The following COL25A1 variants were observed in gnomAD, a reference collection of about 807,000 sequenced individuals.
The protein encoded by COL25A1 is collagen type XXV alpha 1 chain.
Under a neutral mutation model 128.4 loss-of-function variants are expected in COL25A1, and 103 were observed. That is an observed-to-expected ratio of 0.80 (90% confidence interval 0.68 to 0.94). The LOEUF (loss-of-function observed/expected upper bound fraction) is 0.94. COL25A1 is among the 40% of genes least tolerant of loss of function. The pLI, the probability that COL25A1 is intolerant of heterozygous loss-of-function variation, is 0.00. For missense variants in COL25A1, 745 were observed against 840.0 expected, an observed-to-expected ratio of 0.89 and a Z score of 1.40; for synonymous variants, 279 against 277.2, an observed-to-expected ratio of 1.01 and a Z score of -0.06.
chr4:109,127,678 A>G (rs1050140945), intron 3 of COL25A1, among the ~76,000 whole-genome samples: 2 of 152,058 alleles, frequency 1.3e-5, no homozygotes, highest in African/African-American at 2.4e-5. Context: ...AGGAGAAAAA[A>G]AAGAAGAAAA....
chr4:109,236,160 T>A (rs1471639049), intron 3 of COL25A1, among the ~76,000 whole-genome samples: 1 of 151,998 alleles, frequency 6.6e-6, no homozygotes, highest in East Asian at 1.9e-4. Context: ...TTTTTAAAAG[T>A]ATAACTTCGG....
chr4:109,252,213 T>C (rs1780701319), intron 3 of COL25A1, among the ~76,000 whole-genome samples: 1 of 152,236 alleles, frequency 6.6e-6, no homozygotes, highest in Non-Finnish European at 1.5e-5. Context: ...GCCCCTTCTA[T>C]GATGGAAGAG....
intron 8 of COL25A1, among the ~76,000 whole-genome samples, chr4:108,960,361 T>G (rs1750546619): frequency 6.6e-6 from 1 of 152,070 alleles, no homozygotes. Context: ...ATAAAAATGG[T>G]TAAATTGTAG....
At chr4:109,297,694 T>C (rs1725106295) in intron 3 of COL25A1, among the ~76,000 whole-genome samples, 1 of 151,918 alleles carries the variant, frequency 6.6e-6, no homozygotes, top group African/African-American at 2.4e-5. Context: ...CAGGTCTCAG[T>C]TTTCCCACCT....
intron 5 of COL25A1, among the ~76,000 whole-genome samples, chr4:109,028,742 AAAAAG>A (rs891453915): frequency 1.3e-5 from 2 of 152,092 alleles, no homozygotes; most frequent in South Asian, 2.1e-4. Context: ...AGAAAAAAAG[AAAAAG>A]AAAAGAAAAG....
intron 3 of COL25A1, among the ~76,000 whole-genome samples, chr4:109,265,963 TTTCTC>T: frequency 6.6e-6 from 1 of 152,246 alleles, no homozygotes; most frequent in South Asian, 2.1e-4. Flanking sequence ...GCCCTTCTCT[TTTCTC>T]AGGTACTTTT....
At chr4:108,886,857 G>A (rs1380796610) in intron 18 of COL25A1, among the ~76,000 whole-genome samples, 1 of 151,988 alleles carries the variant, frequency 6.6e-6, no homozygotes, top group Non-Finnish European at 1.5e-5. Context: ...TCAAAATCAG[G>A]ACTCTGCCTT....
At chr4:109,163,884 T>G (rs1198441246) in intron 3 of COL25A1, among the ~76,000 whole-genome samples, 3 of 152,212 alleles carry the variant, frequency 2.0e-5, no homozygotes, top group Admixed American at 2.0e-4. Flanking sequence ...CCTTCAGCTT[T>G]GAGCCAATGT....
chr4:109,291,247 C>G (rs980485563), intron 3 of COL25A1, among the ~76,000 whole-genome samples: 2 of 152,070 alleles, frequency 1.3e-5, no homozygotes, highest in African/African-American at 4.8e-5. Context: ...TTTTGCAGTA[C>G]TTATTACAGT....
intron 5 of COL25A1, among the ~76,000 whole-genome samples, chr4:109,039,817 T>C (rs1193652038): frequency 6.6e-6 from 1 of 152,226 alleles, no homozygotes; most frequent in African/African-American, 2.4e-5. Context: ...GAACTAATTA[T>C]TAACAATCCT....
chr4:109,298,907 C>T (rs975892735), intron 3 of COL25A1, among the ~76,000 whole-genome samples: 3 of 152,070 alleles, frequency 2.0e-5, no homozygotes, highest in Admixed American at 6.6e-5. Context: ...TTTATTATTA[C>T]GTTCACATGC....
At chr4:108,820,647 C>G (rs1372831842) in intron 35 of COL25A1, among the ~76,000 whole-genome samples, 1 of 151,862 alleles carries the variant, frequency 6.6e-6, no homozygotes, top group Non-Finnish European at 1.5e-5. Flanking sequence ...TTAATTCACT[C>G]TCTTACTGAT....
chr4:109,070,743 T>C (rs1436110535), intron 3 of COL25A1, among the ~76,000 whole-genome samples: 1 of 141,546 alleles, frequency 7.1e-6, no homozygotes, highest in Non-Finnish European at 1.5e-5. Context: ...TGTCCAAGTG[T>C]TCTCATTGTT....
At chr4:108,904,041 A>T (rs996052067) in intron 13 of COL25A1, among the ~76,000 whole-genome samples, 3 of 152,098 alleles carry the variant, frequency 2.0e-5, no homozygotes, top group African/African-American at 7.2e-5. Context: ...ACTCCAAGTT[A>T]GATTAAAGGA....
At chr4:109,113,954 A>T (rs1767282616) in intron 3 of COL25A1, among the ~76,000 whole-genome samples, 1 of 152,098 alleles carries the variant, frequency 6.6e-6, no homozygotes, top group South Asian at 2.1e-4. Flanking sequence ...AAGAATCACC[A>T]TAAGCGCTAA....
At chr4:108,994,745 C>T (rs1164915943) in intron 6 of COL25A1, among the ~76,000 whole-genome samples, 1 of 152,170 alleles carries the variant, frequency 6.6e-6, no homozygotes, top group African/African-American at 2.4e-5. Context: ...GCGGGTGCCC[C>T]TCTGGGACAA....
chr4:109,159,916 C>T (rs1166405070), intron 3 of COL25A1, among the ~76,000 whole-genome samples: 1 of 152,028 alleles, frequency 6.6e-6, no homozygotes, highest in African/African-American at 2.4e-5. Flanking sequence ...AATATAGAGG[C>T]AATCCAAACA....
intron 3 of COL25A1, among the ~76,000 whole-genome samples, chr4:109,195,649 A>G (rs1775980185): frequency 6.6e-6 from 1 of 152,162 alleles, no homozygotes; most frequent in Non-Finnish European, 1.5e-5. Flanking sequence ...ACTCAGCCCT[A>G]AGACCTTACT....
At chr4:109,209,851 G>A (rs572142521) in intron 3 of COL25A1, among the ~76,000 whole-genome samples, 1 of 152,060 alleles carries the variant, frequency 6.6e-6, no homozygotes, top group South Asian at 2.1e-4. Flanking sequence ...TCAGAAATTC[G>A]AGACTAGCCT....
Sources: allele counts gnomAD v4.1 joint callset (sites outside exome capture counted in the v4.1 genomes callset), GRCh38; gene constraint gnomAD v4.1.1; transcripts MANE v1.5; gene names NCBI Gene and HGNC (gene_info 2026-07-23, HGNC 2026-07-21).